Variants in ATRNL1 observed in about 807,000 individuals in gnomAD.
The protein encoded by ATRNL1 is attractin like 1.
Under a neutral mutation model 182.7 loss-of-function variants are expected in ATRNL1, and 95 were observed. The observed-to-expected ratio is 0.52, with a 90% confidence interval of 0.44 to 0.62. The LOEUF (loss-of-function observed/expected upper bound fraction) is 0.62, where lower values mean the gene tolerates loss of function less well. ATRNL1 is among the 20% of genes least tolerant of loss of function. The pLI is 0.00. For synonymous variants in ATRNL1, 576 were observed against 568.3 expected (o/e 1.01, Z -0.19); for missense variants, 1,471 against 1,679.5 (o/e 0.88, Z 2.17).
chr10:115,132,068 T>C (rs1353555548), intron 5 of ATRNL1, among the ~76,000 whole-genome samples: 1 of 151,964 alleles, frequency 6.6e-6, no homozygotes, highest in East Asian at 1.9e-4. Flanking sequence ...CTCCTAATTC[T>C]ATCCCTCCCC....
At chr10:115,464,680 G>A (rs781835292) in intron 22 of ATRNL1, among the ~76,000 whole-genome samples, 86 of 151,932 alleles carry the variant, frequency 5.7e-4, no homozygotes, top group Non-Finnish European at 5.3e-4. Context: ...ACCTTTTAGC[G>A]ACAACAGTTA....
At position 115,436,246 on chromosome 10, in the gene ATRNL1, G is replaced by T. The variant is rs553259989; in HGVS notation, c.3322+9944G>T. Among the ~76,000 whole-genome samples the T allele has an allele frequency of 3.3e-5, 5 of 152,160 alleles. No individual in the cohort carries two copies. In the East Asian group the frequency reaches 9.6e-4, roughly 29 times the overall value. The stretch of plus-strand genomic sequence containing the variant: ...ATTCATCATTGCAGGATAATTGAAA[G>T]TTTAGTGATTTTGAGCTATTATGAA... On this transcript the variant is annotated intron_variant, in intron 21 of 28. Transcript: ENST00000355044.
At chr10:115,828,564 G>A (rs1167557790) in intron 27 of ATRNL1, among the ~76,000 whole-genome samples, 3 of 152,296 alleles carry the variant, frequency 2.0e-5, no homozygotes, top group African/African-American at 7.2e-5. Context: ...CTGGTACACA[G>A]CATGGTGGTA....
intron 28 of ATRNL1, among the ~76,000 whole-genome samples, chr10:115,906,930 C>G (rs1490626648): frequency 8.2e-6 from 1 of 121,496 alleles, no homozygotes; most frequent in South Asian, 2.1e-4. Context: ...ACAGGTTATC[C>G]GAAATGCTTC....
chr10:115,229,182 T>TA (rs1276654109), intron 9 of ATRNL1, among the ~76,000 whole-genome samples: 1 of 152,278 alleles, frequency 6.6e-6, no homozygotes, highest in East Asian at 1.9e-4. Flanking sequence ...CACATATACT[T>TA]AAAAAATGTT....
rs146284390 is a variant in ATRNL1, at chr10:115,666,605, G to A, written c.3796-60643G>A. On this transcript the variant is annotated intron_variant, in intron 26 of 28. Transcript: ENST00000355044. ...TATTTTTTCCCCAAAAAGATATCTA[G>A]ATCTGAGCCTTCCAATATGACAGCC... Among the ~76,000 whole-genome samples, 37 of 152,162 alleles carry A rather than the reference G, an allele frequency of 2.4e-4. No individual in the cohort carries two copies. In the East Asian group the frequency reaches 7.2e-3, roughly 29 times the overall value.
intron 18 of ATRNL1, among the ~76,000 whole-genome samples, chr10:115,330,223 T>C (rs1855137443): frequency 6.6e-6 from 1 of 152,154 alleles, no homozygotes; most frequent in Admixed American, 6.5e-5. Flanking sequence ...TCTTATATTG[T>C]TTATCCCTTA....
At position 115,363,002 on chromosome 10, in the gene ATRNL1, G is replaced by C. The variant is rs574938775; in HGVS notation, c.3175+28583G>C. Among the ~76,000 whole-genome samples, 16 of 152,134 alleles carry C rather than the reference G, an allele frequency of 1.1e-4. No individual in the cohort carries two copies. In the East Asian group the frequency reaches 3.1e-3, roughly 29 times the overall value. On this transcript the variant is annotated intron_variant, in intron 19 of 28. Coordinates refer to ENST00000355044, the MANE Select transcript of ATRNL1 (RefSeq NM_207303.4). ...ACATACGTGTGCATGTGTCTTTATA[G>C]CAGCATGATTTACAGTCCTTTGGGT...
rs963603421 is a variant in ATRNL1 at position 115,489,702 on chromosome 10, T to C, written c.3654+20373T>C. Among the ~76,000 whole-genome samples the C allele has an allele frequency of 2.8e-4, 43 of 152,332 alleles. No individual in the cohort carries two copies. The Middle Eastern group carries it at 0.01, about 36-fold the overall frequency. ...CAATTTGCCAGTCTGTGTCTTTTAA[T>C]TGGGGCATTTAGCCCATTTACAGTT... On this transcript the variant is annotated intron_variant, in intron 24 of 28. Transcript: ENST00000355044.
intron 5 of ATRNL1, among the ~76,000 whole-genome samples, chr10:115,132,047 A>T (rs550675614): frequency 6.6e-6 from 1 of 152,136 alleles, no homozygotes; most frequent in African/African-American, 2.4e-5. Flanking sequence ...CGTCACTTAC[A>T]TTAGGTGTAT....
At chr10:115,568,263 T>C (rs1220986764) in intron 26 of ATRNL1, among the ~76,000 whole-genome samples, 2 of 152,078 alleles carry the variant, frequency 1.3e-5, no homozygotes, top group Non-Finnish European at 2.9e-5. Flanking sequence ...AATATTGAAA[T>C]TCACAAGATA....
chr10:115,664,554 A>C (rs2133913012), intron 26 of ATRNL1, among the ~76,000 whole-genome samples: 1 of 152,278 alleles, frequency 6.6e-6, no homozygotes, highest in East Asian at 1.9e-4. Flanking sequence ...ACCACTTTGA[A>C]ACAATTAAAT....
At chr10:115,787,150 C>T (rs1210510476) in intron 27 of ATRNL1, among the ~76,000 whole-genome samples, 1 of 152,178 alleles carries the variant, frequency 6.6e-6, no homozygotes, top group African/African-American at 2.4e-5. Context: ...CAATCAATGG[C>T]AAAGTCAATG....
chr10:115,348,102 T>C (rs1490411054), intron 19 of ATRNL1, among the ~76,000 whole-genome samples: 1 of 152,178 alleles, frequency 6.6e-6, no homozygotes, highest in Non-Finnish European at 1.5e-5. Context: ...GCCTTCCTAG[T>C]AGCTGGGACG....
At chr10:115,854,465 C>A (rs1473243663) in intron 28 of ATRNL1, among the ~76,000 whole-genome samples, 2 of 152,156 alleles carry the variant, frequency 1.3e-5, no homozygotes, top group African/African-American at 4.8e-5. Context: ...TACAGGCATT[C>A]CCCCAGGTCT....
At chr10:115,353,343 A>G (rs1554941969) in intron 19 of ATRNL1, among the ~76,000 whole-genome samples, 3 of 152,104 alleles carry the variant, frequency 2.0e-5, no homozygotes, top group African/African-American at 7.2e-5. Context: ...CTCTTCTTAC[A>G]GTTTTTGCCT....
chr10:115,323,946 T>A (rs1332712703), intron 18 of ATRNL1, among the ~76,000 whole-genome samples: 1 of 151,468 alleles, frequency 6.6e-6, no homozygotes, highest in Non-Finnish European at 1.5e-5. Flanking sequence ...CCTGGCTAAT[T>A]TTTTGTATTT....
At chr10:115,146,937 A>G (rs113381836) in intron 5 of ATRNL1, among the ~76,000 whole-genome samples, 3,311 of 152,108 alleles carry the variant, frequency 0.022, 44 homozygotes, top group South Asian at 0.034. Context: ...GTAAATATGC[A>G]GGTGCAGGTA....
chr10:115,333,151 C>G (rs1456239159), intron 18 of ATRNL1, among the ~76,000 whole-genome samples: 2 of 152,082 alleles, frequency 1.3e-5, no homozygotes, highest in African/African-American at 4.8e-5. Flanking sequence ...CAGTTAAATG[C>G]TAGTTGCTAT....
Sources: allele counts gnomAD v4.1 joint callset (sites outside exome capture counted in the v4.1 genomes callset), GRCh38; gene constraint gnomAD v4.1.1; transcripts MANE v1.5; gene names NCBI Gene and HGNC (gene_info 2026-07-23, HGNC 2026-07-21).